The following ACVR2B variants were observed in gnomAD, a reference collection of about 807,000 sequenced individuals.
ACVR2B encodes the protein activin A receptor type 2B, also known as activin receptor type-2B.
A neutral mutation model predicts 65.1 loss-of-function variants in ACVR2B; 18 were observed. The ratio of observed to expected loss-of-function variants is 0.28; its 90% CI spans 0.19 to 0.41. The LOEUF is 0.41. ACVR2B is among the 10% of genes least tolerant of loss of function. ACVR2B has a pLI of 1.00. For missense variants in ACVR2B, 482 were observed against 682.7 expected (o/e 0.71, Z 3.28); for synonymous variants, 298 against 277.7 (o/e 1.07, Z -0.73).
At chr3:38,458,044 A>G (rs1575577029) in intron 1 of ACVR2B, among the ~76,000 whole-genome samples, 1 of 152,180 alleles carries the variant, frequency 6.6e-6, no homozygotes, top group African/African-American at 2.4e-5. Context: ...GGCCCTTTCA[A>G]GGCAGATGAT....
intron 1 of ACVR2B, among the ~76,000 whole-genome samples, chr3:38,467,799 G>A (rs1709757817): frequency 1.3e-5 from 2 of 151,644 alleles, no homozygotes; most frequent in South Asian, 4.2e-4. Flanking sequence ...CTTCAGTTGA[G>A]AAGAAAGCAA....
chr3:38,458,345 C>A (rs992876382), intron 1 of ACVR2B, among the ~76,000 whole-genome samples: 4 of 152,172 alleles, frequency 2.6e-5, no homozygotes, highest in Admixed American at 2.0e-4. Context: ...AAATGTAAAT[C>A]GGTATATGTG....
chr3:38,469,904 G>A (rs909706057), intron 1 of ACVR2B, among the ~76,000 whole-genome samples: 1 of 152,132 alleles, frequency 6.6e-6, no homozygotes, highest in East Asian at 1.9e-4. Context: ...TATCAAAATT[G>A]ACCAGGAAGT....
chr3:38,465,724 A>G (rs1709716797), intron 1 of ACVR2B, among the ~76,000 whole-genome samples: 1 of 152,236 alleles, frequency 6.6e-6, no homozygotes, highest in African/African-American at 2.4e-5. Flanking sequence ...CAGCCACAGA[A>G]GTAAAGGAGA....
At chr3:38,476,171 G>A (rs1162606328) in intron 1 of ACVR2B, 2 of 152,312 alleles carry the variant, frequency 1.3e-5, no homozygotes, top group Non-Finnish European at 2.9e-5. Flanking sequence ...GCGGGTAGTG[G>A]GAGTAGACTG....
rs1215439732 is a variant in ACVR2B at position 38,477,903 on chromosome 3, C to T, written c.303C>T (p.Phe101=). ...VATEENPQVY[F]CCCEGNFCNE... ...CTGAGGAGAACCCCCAGGTGTACTT[C>T]TGCTGCTGTGAAGGCAACTTCTGCA... Residue 101 remains phenylalanine (F), a synonymous_variant, in exon 3 of 11, where the codon TTC becomes TTT. Transcript: ENST00000352511. This position sits in a 1 kb window ranked among gnomAD's most constrained non-coding sequence, Gnocchi z 6.7. 6.2e-7 allele frequency: 1 copy of T among 1,614,026 alleles called. No homozygotes were observed. The highest frequency in any genetic ancestry group is 8.5e-7 in the Non-Finnish European group (1 of 1,180,028).
intron 6 of ACVR2B, among the ~76,000 whole-genome samples, 163 bp from the exon 7 acceptor site, chr3:38,479,515 G>T (rs1374276943): frequency 2.0e-5 from 3 of 152,114 alleles, no homozygotes; most frequent in Non-Finnish European, 4.4e-5. Context: ...CCCACCCCTA[G>T]CCCTCCCTGC....
chr3:38,490,471 G>A lies in ACVR2B; in HGVS notation c.*7139G>A, dbSNP rs1275551268. 6.6e-6 allele frequency: 1 copy of A among 152,536 alleles called. No individual in the cohort carries two copies. The highest frequency in any genetic ancestry group is 1.5e-5 in the Non-Finnish European group (1 of 68,022). The allele number at this position is 152,536 out of a possible 1,614,324, so 9.4% of individuals were successfully genotyped here. ...AGCACTCCAGAAACCAACCCCATCT[G>A]TTCCCCATAAAAAGAACATTTTCTC... On this transcript the variant is annotated 3_prime_UTR_variant, in exon 11 of 11. Coordinates refer to ENST00000352511, the MANE Select transcript of ACVR2B (RefSeq NM_001106.4).
rs1710170653 is a variant in ACVR2B, at chr3:38,489,138, G to A, written c.*5806G>A. 6.6e-6 allele frequency: 1 copy of A among 152,426 alleles called. No individual in the cohort carries two copies. The highest frequency in any genetic ancestry group is 1.5e-5 in the Non-Finnish European group (1 of 68,012). 9.4% of individuals were successfully genotyped at this position (152,426 alleles called of 1,614,324 possible). A position where few individuals can be genotyped will look rare whatever the true frequency, so the allele number is the denominator to read the frequency against. The stretch of plus-strand genomic sequence containing the variant: ...GGAACTTCTCTGTTGGTTGAGTGTG[G>A]GCTCATTCCCTGACTCTCCTAATCA... On this transcript the variant is annotated 3_prime_UTR_variant, in exon 11 of 11. Coordinates refer to ENST00000352511, the MANE Select transcript of ACVR2B (RefSeq NM_001106.4).
chr3:38,471,916 A>G (rs1024626973), intron 1 of ACVR2B, among the ~76,000 whole-genome samples: 1 of 152,224 alleles, frequency 6.6e-6, no homozygotes, highest in East Asian at 1.9e-4. Context: ...TGGCTTACAA[A>G]TATATGGATG....
Position 38,491,974 on chromosome 3 carries a change from C to T in ACVR2B, c.*8642C>T, listed in dbSNP as rs909347049. ...TAGTGTCAAAGGCCAAGTTTTTCAC[C>T]TGTTAATATTTTTCCACATTTGTCC... On this transcript the variant is annotated 3_prime_UTR_variant, in exon 11 of 11. Transcript: ENST00000352511. The T allele has an allele frequency of 6.6e-6, 1 of 152,200 alleles. No individual in the cohort carries two copies. Among genetic ancestry groups the T allele is most frequent in the African/African-American group, 2.4e-5 (1 of 41,456 alleles). The allele number at this position is 152,200 out of a possible 1,614,324, so 9.4% of individuals were successfully genotyped here. A position where few individuals can be genotyped will look rare whatever the true frequency, so the allele number is the denominator to read the frequency against.
intron 1 of ACVR2B, among the ~76,000 whole-genome samples, chr3:38,464,301 C>T (rs1709695343): frequency 6.6e-6 from 1 of 152,246 alleles, no homozygotes; most frequent in African/African-American, 2.4e-5. Flanking sequence ...ACAATCTTGT[C>T]TACACTGGTG....
Position 38,479,754 on chromosome 3 carries a change from G to A in ACVR2B, c.887G>A (p.Arg296Gln), listed in dbSNP as rs377187676. The stretch of plus-strand genomic sequence containing the variant: ...TGTCATGTAGCAGAGACGATGTCAC[G>A]AGGCCTCTCATACCTGCATGAGGAT... ...ELCHVAETMS[R>Q]GLSYLHEDVP... The change falls in exon 7 of 11, where the codon CGA becomes CAA. Residue 296 changes from arginine (R) to glutamine (Q), a missense_variant. This residue lies in a region of ACVR2B where 223 missense variants were observed against 386.3 expected (regional missense o/e 0.58). Coordinates refer to ENST00000352511, the MANE Select transcript of ACVR2B (RefSeq NM_001106.4). 3 of 1,614,192 alleles carry A rather than the reference G, an allele frequency of 1.9e-6. No homozygotes were observed. Among genetic ancestry groups the A allele is most frequent in the Non-Finnish European group, 2.5e-6 (3 of 1,180,032 alleles).
In ACVR2B at chr3:38,479,591, G is replaced by A. The variant is rs1217425059; in HGVS notation, c.811-87G>A. 1.4e-4 allele frequency: 211 copies of A among 1,491,066 alleles called. 1 individual carries two copies. Among genetic ancestry groups the A allele is most frequent in the Non-Finnish European group, 2.4e-5 (26 of 1,068,974 alleles). 92.4% of individuals were successfully genotyped at this position (1,491,066 alleles called of 1,614,324 possible). On this transcript the variant is annotated intron_variant, in intron 6 of 10. Transcript: ENST00000352511. ...TTCCAGGAGAGCAGCCTAGCCATTGGCCCACTGAGACTTCTCTGCCAGGGC... is the reference window on the plus strand; with the variant it reads ...TTCCAGGAGAGCAGCCTAGCCATTGACCCACTGAGACTTCTCTGCCAGGGC...
chr3:38,460,030 T>C (rs1461443242), intron 1 of ACVR2B, among the ~76,000 whole-genome samples: 1 of 152,154 alleles, frequency 6.6e-6, no homozygotes, highest in East Asian at 1.9e-4. Context: ...AACTGGACTC[T>C]TAGGGTGGAG....
In ACVR2B at chr3:38,479,318, C is replaced by G. The variant is rs781213507; in HGVS notation, c.810+47C>G. On this transcript the variant is annotated intron_variant, in intron 6 of 10. Transcript: ENST00000352511. ...GGACTCTGAGAGGAGATGGAATGTC[C>G]CCTTGGTGGCTCTCCATAATATGAT... is the stretch of plus-strand genomic sequence containing the variant. The G allele has an allele frequency of 1.9e-6, 3 of 1,613,566 alleles. No homozygotes were observed. In the Admixed American group the frequency reaches 5.0e-5, roughly 27 times the overall value.
intron 1 of ACVR2B, among the ~76,000 whole-genome samples, chr3:38,472,665 G>A (rs1458642161): frequency 6.6e-6 from 1 of 152,122 alleles, no homozygotes; most frequent in African/African-American, 2.4e-5. Context: ...TGGTTCTGCT[G>A]GCTGCTGGGG....
chr3:38,488,594 T>G lies in ACVR2B; in HGVS notation c.*5262T>G, dbSNP rs1163418667. 1.3e-5 allele frequency: 2 copies of G among 152,222 alleles called. No individual in the cohort carries two copies. The highest frequency in any genetic ancestry group is 2.9e-5 in the Non-Finnish European group (2 of 68,036). 9.4% of individuals were successfully genotyped at this position (152,222 alleles called of 1,614,324 possible). A position where few individuals can be genotyped will look rare whatever the true frequency, so the allele number is the denominator to read the frequency against. The stretch of plus-strand genomic sequence containing the variant: ...AAAAAGAATTTGAATTTAAAGAATT[T>G]ACCATTATTTAAATTATTACCAAGT... On this transcript the variant is annotated 3_prime_UTR_variant, in exon 11 of 11. Transcript: ENST00000352511.
chr3:38,479,558 TA>T, intron 6 of ACVR2B, 119 bp from the exon 7 acceptor site: 1 of 1,255,724 alleles, frequency 8.0e-7, no homozygotes, highest in East Asian at 2.3e-5. Context: ...ATATCGATTG[TA>T]GTAGCCTTCC....
Sources: gnomAD v4.1 joint callset for allele counts (sites outside exome capture counted in the v4.1 genomes callset) on GRCh38, gnomAD v4.1.1 for gene constraint, gnomAD v4.1.1 regional missense constraint, Gnocchi (gnomAD v3.1) non-coding constraint, MANE v1.5 for transcripts, NCBI Gene and HGNC (gene_info 2026-07-23, HGNC 2026-07-21) for gene names.